The following CGREF1 variants were observed in gnomAD, a reference collection of about 807,000 sequenced individuals.
The protein encoded by CGREF1 is cell growth regulator with EF-hand domain 1, also known as cell growth regulator with EF hand domain protein 1.
Under a neutral mutation model 17.4 loss-of-function variants are expected in CGREF1, and 16 were observed. The observed-to-expected ratio is 0.92, with a 90% CI of 0.62 to 1.40. CGREF1 has a LOEUF of 1.40. Ranked by LOEUF, CGREF1 falls within the 40% of genes most tolerant of loss-of-function variation. The pLI is 0.00. For missense variants in CGREF1, 296 were observed against 376.4 expected (o/e 0.79, Z 1.77); for synonymous variants, 142 against 154.6 (o/e 0.92, Z 0.61).
chr2:27,116,882 T>TCC (rs1671594123), intron 1 of CGREF1, among the ~76,000 whole-genome samples: 7 of 56,728 alleles, frequency 1.2e-4, no homozygotes, highest in African/African-American at 3.0e-4. Context: ...TCTCTCTCTC[T>TCC]CTCTCTCTCT....
chr2:27,103,908 G>A (rs1343758952), intron 2 of CGREF1, among the ~76,000 whole-genome samples: 3 of 152,104 alleles, frequency 2.0e-5, no homozygotes, highest in Admixed American at 6.5e-5. Flanking sequence ...GCTTGAACCC[G>A]GGAGGCGGAG....
chr2:27,100,212 G>A, downstream of CGREF1: 1 of 409,352 alleles, frequency 2.4e-6, no homozygotes, highest in Non-Finnish European at 4.6e-6. Flanking sequence ...GCTCTTCGGG[G>A]CCCTGCGTTG....
intron 1 of CGREF1, among the ~76,000 whole-genome samples, chr2:27,105,284 T>C (rs1671074205): frequency 6.6e-6 from 1 of 152,222 alleles, no homozygotes; most frequent in Non-Finnish European, 1.5e-5. Flanking sequence ...CATCCCCATC[T>C]GGCTGACACT....
At chr2:27,105,178 G>C (rs186363083) in intron 1 of CGREF1, among the ~76,000 whole-genome samples, 8 of 152,326 alleles carry the variant, frequency 5.3e-5, no homozygotes, top group African/African-American at 1.9e-4. Flanking sequence ...AGTTCCTGAG[G>C]AAGCAGAAGC....
chr2:27,115,076 C>T (rs1230672120), intron 1 of CGREF1, among the ~76,000 whole-genome samples: 1 of 152,180 alleles, frequency 6.6e-6, no homozygotes, highest in Non-Finnish European at 1.5e-5. Context: ...TGGTTTGTTA[C>T]ACTGCCATAG....
Position 27,101,846 on chromosome 2 carries a change from T to C in CGREF1, c.385A>G (p.Asn129Asp). The C allele has an allele frequency of 6.2e-7, 1 of 1,613,930 alleles. No individual in the cohort carries two copies. Among genetic ancestry groups the C allele is most frequent in the South Asian group, 1.1e-5 (1 of 91,082 alleles). ...GCAGGGGTCATGAGCCCATCCCCAT[T>C]CAGGTCCTGGGTCTCGAGCACTTTG... ...VDKVLETQDLNGDGLMTPAEL... is the reference protein window; with the variant it reads ...VDKVLETQDLDGDGLMTPAEL... The change falls in exon 6 of 6, where the codon AAT (asparagine) becomes GAT (aspartate). Residue 129 changes from asparagine (N) to aspartate (D), a missense_variant. Physicochemically the swap from Asn to Asp is conservative, Grantham distance 23 (BLOSUM62 1). Coordinates refer to ENST00000402394, the MANE Select transcript of CGREF1 (RefSeq NM_006569.6).
downstream of CGREF1, chr2:27,099,954 A>G: frequency 8.6e-7 from 1 of 1,159,286 alleles, no homozygotes; most frequent in Non-Finnish European, 1.3e-6. Context: ...GAGCAAATAA[A>G]TCTTCCTCAG....
chr2:27,102,628 C>G, intron 2 of CGREF1, 37 bp from the exon 3 acceptor site: 1 of 1,585,472 alleles, frequency 6.3e-7, no homozygotes, highest in Non-Finnish European at 8.6e-7. Flanking sequence ...TTGCAGAGAG[C>G]CTCCCTCAGG....
Position 27,100,715 on chromosome 2 carries a change from T to G in CGREF1, c.*559A>C. The G allele has an allele frequency of 8.9e-6, 10 of 1,123,458 alleles. No homozygotes were observed. Among genetic ancestry groups the G allele is most frequent in the Non-Finnish European group, 1.1e-5 (10 of 881,408 alleles). The allele number at this position is 1,123,458 out of a possible 1,614,324, so 69.6% of individuals were successfully genotyped here. ...ATTCTGCTTGGCTACAGAATTATTGTGAGGATAAAATCATATATAAAATGC... is the reference window on the plus strand; with the variant it reads ...ATTCTGCTTGGCTACAGAATTATTGGGAGGATAAAATCATATATAAAATGC... On this transcript the variant is annotated 3_prime_UTR_variant, in exon 6 of 6. Transcript: ENST00000402394.
chr2:27,110,800 A>G (rs1348306393), intron 1 of CGREF1: 1 of 152,408 alleles, frequency 6.6e-6, no homozygotes, highest in East Asian at 1.9e-4. Flanking sequence ...GTTCCTTCTG[A>G]TGTTCGGATG....
downstream of CGREF1, chr2:27,099,766 C>CAA (rs1420626180): frequency 6.8e-6 from 11 of 1,612,686 alleles, no homozygotes; most frequent in East Asian, 2.2e-4. Flanking sequence ...GGTGCCGGCT[C>CAA]CTCACACACC....
intron 1 of CGREF1, among the ~76,000 whole-genome samples, chr2:27,109,298 A>G (rs4665945): frequency 0.98 from 147,804 of 151,372 alleles, 72,253 homozygotes; most frequent in East Asian, 1. Flanking sequence ...CTTGAGCCCA[A>G]GAGGTGAAGG....
rs760256928 is a variant in CGREF1 at position 27,101,585 on chromosome 2, C to T, written c.646G>A (p.Gly216Arg). ...QEPGGQAEAD[G>R]DVPGPRGEAE... ...TCCCCTCTGGGCCCTGGAACATCTCCATCAGCCTCTGCCTGGCCCCCAGGC... is the reference window on the plus strand; with the variant it reads ...TCCCCTCTGGGCCCTGGAACATCTCTATCAGCCTCTGCCTGGCCCCCAGGC... The change falls in exon 6 of 6, where the codon GGA becomes AGA. Residue 216 changes from glycine (G) to arginine (R), a missense_variant. Around this residue, in one of 3 missense-constraint regions of CGREF1, gnomAD observed 247 missense variants for 267.2 expected, o/e 0.92. Transcript: ENST00000402394. The T allele has an allele frequency of 8.7e-6, 14 of 1,613,700 alleles. No individual in the cohort carries two copies. In the South Asian group the frequency reaches 8.8e-5, roughly 10 times the overall value.
chr2:27,101,081 A>C lies in CGREF1; in HGVS notation c.*193T>G. ...GGTAGAGAGGTGGCCGGGGGGATGA[A>C]TTCATTCAGTTCTTTATTGGTAATC... On this transcript the variant is annotated 3_prime_UTR_variant, in exon 6 of 6. Coordinates refer to ENST00000402394, the MANE Select transcript of CGREF1 (RefSeq NM_006569.6). The C allele has an allele frequency of 1.5e-6, 2 of 1,345,090 alleles. No individual in the cohort carries two copies. The highest frequency in any genetic ancestry group is 1.9e-6 in the Non-Finnish European group (2 of 1,054,602). The allele number at this position is 1,345,090 out of a possible 1,614,324, so 83.3% of individuals were successfully genotyped here.
chr2:27,109,116 T>C (rs1023440608), intron 1 of CGREF1, among the ~76,000 whole-genome samples: 6 of 152,124 alleles, frequency 3.9e-5, no homozygotes, highest in African/African-American at 1.4e-4. Context: ...GTGCCTGTAA[T>C]CCCAGCACTT....
intron 1 of CGREF1, among the ~76,000 whole-genome samples, chr2:27,107,044 AC>A (rs1296134881): frequency 6.6e-6 from 1 of 152,214 alleles, no homozygotes; most frequent in Admixed American, 6.5e-5. Context: ...AGGAAAACAC[AC>A]ATCTCTGGAG....
chr2:27,099,851 G>T (rs899362185), downstream of CGREF1: 3 of 1,553,876 alleles, frequency 1.9e-6, no homozygotes, highest in African/African-American at 4.1e-5. Context: ...CTGTTCAGGG[G>T]ACAGATGCAA....
rs537582075 is a variant in CGREF1, at chr2:27,116,871, TTCTCTCTCTCTCTCTC to T, written c.-12+1959_-12+1974del. Among the ~76,000 whole-genome samples the T allele has an allele frequency of 7.8e-3, 264 of 33,698 alleles. 3 individuals carry two copies. Among genetic ancestry groups the T allele is most frequent in the African/African-American group, 0.017 (167 of 9,762 alleles). The allele number at this position is 33,698 out of a possible 152,430, so 22.1% of individuals were successfully genotyped here. A position where few individuals can be genotyped will look rare whatever the true frequency, so the allele number is the denominator to read the frequency against. On this transcript the variant is annotated intron_variant, in intron 1 of 5. Transcript: ENST00000402394. ...GGGATGAGCCACCAGGCCAGGCCTATTCTCTCTCTCTCTCTCTCTCTCTCTCTCTCTCTCTCTCTCT... is the reference window on the plus strand; with the variant it reads ...GGGATGAGCCACCAGGCCAGGCCTATTCTCTCTCTCTCTCTCTCTCTCTCT...
At chr2:27,105,737 G>C (rs1158137988) in intron 1 of CGREF1, among the ~76,000 whole-genome samples, 1 of 152,118 alleles carries the variant, frequency 6.6e-6, no homozygotes, top group Non-Finnish European at 1.5e-5. Context: ...AGTAGAGACG[G>C]GGTTTCACCA....
Sources: gnomAD v4.1 joint callset for allele counts (sites outside exome capture counted in the v4.1 genomes callset) on GRCh38, gnomAD v4.1.1 for gene constraint, gnomAD v4.1.1 regional missense constraint, MANE v1.5 for transcripts, NCBI Gene and HGNC (gene_info 2026-07-23, HGNC 2026-07-21) for gene names.